Variants in EHBP1 observed in about 807,000 individuals in gnomAD.
EHBP1 encodes the protein EH domain-binding protein 1.
EHBP1 carries 55 observed loss-of-function variants against 144.0 expected under a neutral mutation model. The ratio of observed to expected loss-of-function variants is 0.38; its 90% confidence interval spans 0.31 to 0.48. The LOEUF is 0.48. Ranked by LOEUF, EHBP1 falls within the 20% of genes least tolerant of loss-of-function variation. The pLI, the probability that EHBP1 is intolerant of heterozygous loss-of-function variation, is 0.98. For missense variants in EHBP1, 1,200 were observed against 1,364.2 expected, an observed-to-expected ratio of 0.88 and a Z score of 1.90; for synonymous variants, 469 against 472.7, an observed-to-expected ratio of 0.99 and a Z score of 0.10.
intron 10 of EHBP1, among the ~76,000 whole-genome samples, chr2:62,900,070 G>A (rs1186958526): frequency 6.6e-6 from 1 of 152,118 alleles, no homozygotes; most frequent in Non-Finnish European, 1.5e-5. Flanking sequence ...ACAAAAATAG[G>A]ATTTGGAAAA....
intron 10 of EHBP1, among the ~76,000 whole-genome samples, chr2:62,933,776 ATTGTT>A (rs2056179038): frequency 6.6e-6 from 1 of 152,122 alleles, no homozygotes; most frequent in African/African-American, 2.4e-5. Context: ...TCTTTGCTTT[ATTGTT>A]TTAAGTATGA....
intron 21 of EHBP1, among the ~76,000 whole-genome samples, chr2:63,039,603 C>G (rs2061579653): frequency 6.6e-6 from 1 of 152,100 alleles, no homozygotes; most frequent in South Asian, 2.1e-4. Context: ...AACCCATTGA[C>G]TGTCCATGGT....
chr2:62,798,102 C>G (rs962555210), intron 5 of EHBP1, among the ~76,000 whole-genome samples: 3 of 152,160 alleles, frequency 2.0e-5, no homozygotes, highest in Non-Finnish European at 4.4e-5. Context: ...TGTGGTGGCT[C>G]ACGCCTGTAA....
intron 3 of EHBP1, among the ~76,000 whole-genome samples, chr2:62,756,077 C>A (rs1056943892): frequency 6.7e-6 from 1 of 148,506 alleles, no homozygotes; most frequent in African/African-American, 2.5e-5. Flanking sequence ...AGTTTGAGAC[C>A]GGCATGGGCG....
At chr2:62,801,286 G>A (rs144460435) in intron 5 of EHBP1, among the ~76,000 whole-genome samples, 2 of 152,320 alleles carry the variant, frequency 1.3e-5, no homozygotes, top group African/African-American at 4.8e-5. Context: ...CTGGAGTATA[G>A]CCGTCTGATA....
intron 19 of EHBP1, among the ~76,000 whole-genome samples, chr2:63,033,604 T>C (rs1446270438): frequency 6.6e-6 from 1 of 152,302 alleles, no homozygotes; most frequent in African/African-American, 2.4e-5. Context: ...AAAGATTAAT[T>C]AGGAAAAGCT....
chr2:62,684,396 A>G (rs1333594140), intron 1 of EHBP1, among the ~76,000 whole-genome samples: 1 of 152,194 alleles, frequency 6.6e-6, no homozygotes, highest in Non-Finnish European at 1.5e-5. Flanking sequence ...TTTGGAGATG[A>G]GTGAATAGGT....
intron 14 of EHBP1, among the ~76,000 whole-genome samples, chr2:62,958,059 A>G (rs984487759): frequency 1.3e-5 from 2 of 152,214 alleles, no homozygotes; most frequent in African/African-American, 2.4e-5. Flanking sequence ...AATTTAAAAG[A>G]CTGACAGTAA....
intron 9 of EHBP1, among the ~76,000 whole-genome samples, chr2:62,867,454 TCAATATTGAAAAAAATAC>T (rs1470827035): frequency 1.3e-5 from 2 of 151,872 alleles, no homozygotes; most frequent in Non-Finnish European, 2.9e-5. Context: ...CAATCAGAAA[TCAATATTGAAAAAAATAC>T]CATTTATAGA....
At chr2:62,917,307 AAATG>A (rs1263403748) in intron 10 of EHBP1, among the ~76,000 whole-genome samples, 1 of 152,198 alleles carries the variant, frequency 6.6e-6, no homozygotes, top group Non-Finnish European at 1.5e-5. Flanking sequence ...ATGAATGAAT[AAATG>A]AATGAATGAA....
chr2:62,842,540 T>C (rs927558728), intron 7 of EHBP1, among the ~76,000 whole-genome samples: 1 of 152,150 alleles, frequency 6.6e-6, no homozygotes, highest in Admixed American at 6.5e-5. Context: ...CAGACCGTAA[T>C]ATACCTATCC....
chr2:62,957,204 A>G (rs2057746273), intron 14 of EHBP1, among the ~76,000 whole-genome samples: 1 of 152,204 alleles, frequency 6.6e-6, no homozygotes, highest in Non-Finnish European at 1.5e-5. Context: ...TCAAAACTCA[A>G]GCAATGTAAT....
At chr2:63,026,121 C>T (rs893445596) in intron 19 of EHBP1, among the ~76,000 whole-genome samples, 10 of 152,136 alleles carry the variant, frequency 6.6e-5, no homozygotes, top group African/African-American at 2.4e-4. Context: ...TTCAGACTTG[C>T]ACTGAGTTGC....
intron 10 of EHBP1, among the ~76,000 whole-genome samples, chr2:62,884,545 T>C (rs1467270404): frequency 6.6e-6 from 1 of 152,174 alleles, no homozygotes; most frequent in Non-Finnish European, 1.5e-5. Flanking sequence ...TGCAAATCCA[T>C]GCTCATTCAT....
intron 14 of EHBP1, among the ~76,000 whole-genome samples, chr2:62,978,715 C>A (rs1312261093): frequency 1.3e-5 from 2 of 152,088 alleles, no homozygotes; most frequent in African/African-American, 4.8e-5. Flanking sequence ...ACTCTAGCCC[C>A]CTAAATATGC....
chr2:62,943,412 C>A (rs1301591793), intron 11 of EHBP1, among the ~76,000 whole-genome samples: 8 of 148,286 alleles, frequency 5.4e-5, no homozygotes, highest in African/African-American at 2.0e-4. Flanking sequence ...GGTTTTTCTC[C>A]TTAATCTCAA....
intron 19 of EHBP1, among the ~76,000 whole-genome samples, chr2:63,004,955 A>G (rs1295529686): frequency 6.6e-6 from 1 of 152,092 alleles, no homozygotes; most frequent in Non-Finnish European, 1.5e-5. Flanking sequence ...ATTTTATTTT[A>G]TTCTGAAGCA....
At chr2:62,777,966 G>T (rs2042159279) in intron 5 of EHBP1, among the ~76,000 whole-genome samples, 1 of 152,140 alleles carries the variant, frequency 6.6e-6, no homozygotes, top group South Asian at 2.1e-4. Context: ...ATAGACATCT[G>T]CTTTTTGTTT....
intron 1 of EHBP1, among the ~76,000 whole-genome samples, chr2:62,685,283 A>T (rs2033681104): frequency 6.6e-6 from 1 of 152,228 alleles, no homozygotes; most frequent in African/African-American, 2.4e-5. Context: ...TTTGTACCCC[A>T]TAAATATATA....
Sources: allele counts gnomAD v4.1 joint callset (sites outside exome capture counted in the v4.1 genomes callset), GRCh38; gene constraint gnomAD v4.1.1; transcripts MANE v1.5; gene names NCBI Gene and HGNC (gene_info 2026-07-23, HGNC 2026-07-21).